The following FGF14 variants were observed in gnomAD, a reference collection of about 807,000 sequenced individuals.
FGF14 encodes the protein fibroblast growth factor 14.
Under a neutral mutation model 25.5 loss-of-function variants are expected in FGF14, and 5 were observed. The ratio of observed to expected loss-of-function variants is 0.20; its 90% CI spans 0.10 to 0.41. The LOEUF (loss-of-function observed/expected upper bound fraction) is 0.41, where lower values mean the gene tolerates loss of function less well. FGF14 is among the 10% of genes least tolerant of loss of function. The pLI, the probability that FGF14 is intolerant of heterozygous loss-of-function variation, is 1.00. For synonymous variants in FGF14, 138 were observed against 118.3 expected (o/e 1.17, Z -1.08); for missense variants, 222 against 320.1 (o/e 0.69, Z 2.34).
chr13:102,242,014 T>A (rs1156904713), intron 1 of FGF14, among the ~76,000 whole-genome samples: 1 of 152,134 alleles, frequency 6.6e-6, no homozygotes, highest in African/African-American at 2.4e-5. Flanking sequence ...ACAGTGGCTT[T>A]TGATTTGAAG....
chr13:101,874,074 G>C (rs529598988), intron 2 of FGF14, among the ~76,000 whole-genome samples: 3 of 152,078 alleles, frequency 2.0e-5, no homozygotes, highest in South Asian at 2.1e-4. Flanking sequence ...GAAAAATAAT[G>C]ATATTTCACA....
At chr13:101,963,894 T>A (rs2037022787) in intron 1 of FGF14, among the ~76,000 whole-genome samples, 1 of 152,186 alleles carries the variant, frequency 6.6e-6, no homozygotes. Context: ...AAATTCAATT[T>A]TATAGGAAAA....
At chr13:102,112,742 A>G (rs2045293220) in intron 1 of FGF14, among the ~76,000 whole-genome samples, 1 of 152,222 alleles carries the variant, frequency 6.6e-6, no homozygotes, top group Non-Finnish European at 1.5e-5. Flanking sequence ...AAACATGTGC[A>G]GCACTTTATA....
chr13:102,400,626 A>G lies in FGF14; in HGVS notation c.208+845T>C, dbSNP rs2139292939. 6.6e-6 allele frequency among the ~76,000 whole-genome samples: 1 copy of G among 152,270 alleles called. No homozygotes were observed. Among genetic ancestry groups the G allele is most frequent in the South Asian group, 2.1e-4 (1 of 4,820 alleles). On this transcript the variant is annotated intron_variant, in intron 1 of 4. Coordinates refer to the FGF14 transcript ENST00000376131. This position sits in a 1 kb window ranked among gnomAD's most constrained non-coding sequence, Gnocchi z 4.3. ...CAAATCAGATGCATTTGCATTTCTT[A>G]TGTAATGTACTGCAAGTTCCCTTGT...
At chr13:102,118,664 CCTT>C (rs986358728) in intron 1 of FGF14, among the ~76,000 whole-genome samples, 2 of 151,994 alleles carry the variant, frequency 1.3e-5, no homozygotes, top group African/African-American at 4.8e-5. Context: ...CACTATATTT[CCTT>C]CTTTTTATGA....
chr13:101,772,434 T>G (rs995082407), intron 3 of FGF14, among the ~76,000 whole-genome samples: 1 of 152,122 alleles, frequency 6.6e-6, no homozygotes, highest in African/African-American at 2.4e-5. Context: ...GGACAGACTT[T>G]CCATGTAGAA....
chr13:102,056,997 T>A (rs910024472), intron 1 of FGF14, among the ~76,000 whole-genome samples: 31 of 151,876 alleles, frequency 2.0e-4, no homozygotes, highest in African/African-American at 7.2e-4. Context: ...TTAAATTTTA[T>A]ACAATTTGAA....
intron 3 of FGF14, among the ~76,000 whole-genome samples, chr13:101,804,633 C>T (rs1191663396): frequency 6.6e-6 from 1 of 151,930 alleles, no homozygotes; most frequent in Non-Finnish European, 1.5e-5. Context: ...TTTAAATTAT[C>T]TAGATTTAAG....
intron 1 of FGF14, among the ~76,000 whole-genome samples, chr13:101,915,965 A>T (rs913573856): frequency 6.6e-6 from 1 of 152,252 alleles, no homozygotes; most frequent in Non-Finnish European, 1.5e-5. Context: ...CACCGCCAGG[A>T]TATCCACATT....
intron 1 of FGF14, among the ~76,000 whole-genome samples, chr13:101,995,132 T>C (rs1356832665): frequency 6.6e-6 from 1 of 152,172 alleles, no homozygotes; most frequent in Non-Finnish European, 1.5e-5. Flanking sequence ...TCAATCGTTA[T>C]ATGTAAGTGA....
chr13:102,391,215 G>A (rs562007840), intron 1 of FGF14, among the ~76,000 whole-genome samples: 26 of 152,244 alleles, frequency 1.7e-4, no homozygotes, highest in Admixed American at 5.2e-4. Context: ...ACAAATACAG[G>A]GAGAAGGAGA....
chr13:102,288,072 C>G (rs1317606570), intron 1 of FGF14, among the ~76,000 whole-genome samples: 1 of 152,198 alleles, frequency 6.6e-6, no homozygotes, highest in African/African-American at 2.4e-5. Context: ...AATTCAAAGG[C>G]TCTTCTACAT....
At chr13:102,038,309 T>C (rs1595074530) in intron 1 of FGF14, among the ~76,000 whole-genome samples, 1 of 152,146 alleles carries the variant, frequency 6.6e-6, no homozygotes, top group Non-Finnish European at 1.5e-5. Context: ...ATGTTATTAG[T>C]GAGCATAGCC....
At chr13:102,314,359 T>C (rs1397099003) in intron 1 of FGF14, among the ~76,000 whole-genome samples, 4 of 152,212 alleles carry the variant, frequency 2.6e-5, no homozygotes, top group South Asian at 4.1e-4. Flanking sequence ...CCATTCTATA[T>C]TGACTACTTA....
intron 3 of FGF14, among the ~76,000 whole-genome samples, chr13:101,735,845 C>T (rs1372682698): frequency 6.6e-6 from 1 of 152,048 alleles, no homozygotes; most frequent in East Asian, 1.9e-4. Flanking sequence ...GGGTAATATA[C>T]TAACTGTATA....
At chr13:101,926,978 GA>G (rs1052439514) in intron 1 of FGF14, among the ~76,000 whole-genome samples, 6 of 152,110 alleles carry the variant, frequency 3.9e-5, no homozygotes, top group Admixed American at 2.0e-4. Flanking sequence ...GGAACCTCAG[GA>G]AAAAGAATTA....
intron 3 of FGF14, among the ~76,000 whole-genome samples, chr13:101,810,398 T>A (rs746748886): frequency 3.3e-5 from 5 of 152,228 alleles, no homozygotes; most frequent in Non-Finnish European, 5.9e-5. Flanking sequence ...TAGTCATAGT[T>A]CCATCCTTCC....
At chr13:102,055,099 CTTAA>C (rs1351336391) in intron 1 of FGF14, among the ~76,000 whole-genome samples, 18 of 152,188 alleles carry the variant, frequency 1.2e-4, no homozygotes, top group Admixed American at 3.9e-4. Flanking sequence ...TAGCCAGTTC[CTTAA>C]TTGTTTCTCA....
At chr13:101,760,012 A>G (rs1327878769) in intron 3 of FGF14, among the ~76,000 whole-genome samples, 1 of 152,186 alleles carries the variant, frequency 6.6e-6, no homozygotes. Context: ...TTCTTCATCT[A>G]ATACCAACCC....
Sources: allele counts gnomAD v4.1 joint callset (sites outside exome capture counted in the v4.1 genomes callset), GRCh38; gene constraint gnomAD v4.1.1; non-coding constraint Gnocchi (gnomAD v3.1); transcripts MANE v1.5; gene names NCBI Gene and HGNC (gene_info 2026-07-23, HGNC 2026-07-21).